The following KLF8 variants were observed in gnomAD, a reference collection of about 807,000 sequenced individuals.
The protein encoded by KLF8 is KLF transcription factor 8.
Under a neutral mutation model 18.2 loss-of-function variants are expected in KLF8, and 10 were observed. That is an observed-to-expected ratio of 0.55 (90% CI 0.34 to 0.93). The LOEUF (loss-of-function observed/expected upper bound fraction) is 0.93. Among genes scored for constraint, KLF8 ranks in the 40% least tolerant of loss-of-function variants. The pLI is 0.02. For missense variants in KLF8, 264 were observed against 277.9 expected (o/e 0.95, Z 0.36); for synonymous variants, 109 against 97.3 (o/e 1.12, Z -0.71).
At chrX:56,073,208 T>C in the KLF8 span, among the ~76,000 whole-genome samples, 3 of 111,050 alleles carry the variant, frequency 2.7e-5, no homozygotes, top group Admixed American at 2.9e-4. Context: ...AGGATGGTCT[T>C]GATCTCCTGA....
the KLF8 span, among the ~76,000 whole-genome samples, chrX:56,145,010 C>T: frequency 9.1e-6 from 1 of 109,380 alleles, no homozygotes; most frequent in Non-Finnish European, 1.9e-5. Flanking sequence ...CCAGGCTGGT[C>T]TTGAACTCCT....
chrX:56,145,282 A>T, the KLF8 span, among the ~76,000 whole-genome samples: 1 of 112,034 alleles, frequency 8.9e-6, no homozygotes, highest in Non-Finnish European at 1.9e-5. Context: ...ACTACTTCAC[A>T]CCAACTAGAT....
the KLF8 span, among the ~76,000 whole-genome samples, chrX:56,082,252 A>G: frequency 1.8e-5 from 2 of 111,765 alleles, no homozygotes; most frequent in South Asian, 7.3e-4. Flanking sequence ...AATTGTTTGT[A>G]TTATCCACTT....
At chrX:56,176,491 TC>T in the KLF8 span, among the ~76,000 whole-genome samples, 1 of 112,019 alleles carries the variant, frequency 8.9e-6, no homozygotes, top group African/African-American at 3.2e-5. Context: ...CTGATGGGCT[TC>T]CCTTTGTGGG....
the KLF8 span, among the ~76,000 whole-genome samples, chrX:55,938,229 TAAAGA>T: frequency 2.7e-5 from 3 of 111,776 alleles, no homozygotes; most frequent in East Asian, 5.6e-4. Flanking sequence ...TCAACATTCT[TAAAGA>T]AAAGAATTTT....
chrX:56,188,794 T>A, the KLF8 span, among the ~76,000 whole-genome samples: 1 of 112,288 alleles, frequency 8.9e-6, no homozygotes, highest in Non-Finnish European at 1.9e-5. Flanking sequence ...TAACAAATGG[T>A]GCTGGGAAAA....
the KLF8 span, among the ~76,000 whole-genome samples, chrX:56,191,693 C>G: frequency 9.0e-6 from 1 of 111,244 alleles, no homozygotes. Context: ...AAATGAATGG[C>G]AAAAATTATT....
the KLF8 span, among the ~76,000 whole-genome samples, chrX:55,995,905 T>C: frequency 9.0e-6 from 1 of 111,507 alleles, no homozygotes; most frequent in East Asian, 2.8e-4. Context: ...TTTCCTGAAT[T>C]TGAATGTCTC....
the KLF8 span, among the ~76,000 whole-genome samples, chrX:56,032,653 T>C: frequency 0.035 from 3,905 of 112,427 alleles, 193 homozygotes; most frequent in African/African-American, 0.12. Context: ...TTGTTGTGCA[T>C]GTCAGTAATT....
chrX:56,153,673 A>G, the KLF8 span, among the ~76,000 whole-genome samples: 1 of 111,273 alleles, frequency 9.0e-6, no homozygotes, highest in Non-Finnish European at 1.9e-5. Flanking sequence ...TTGTATATCT[A>G]GAAAACCCCA....
chrX:56,063,624 C>T, the KLF8 span, among the ~76,000 whole-genome samples: 1 of 111,674 alleles, frequency 9.0e-6, no homozygotes, highest in Non-Finnish European at 1.9e-5. Context: ...AGTCAGGAGA[C>T]ATGGGCGTCA....
intron 2 of KLF8, among the ~76,000 whole-genome samples, chrX:56,253,953 C>T (rs1367888417): frequency 4.0e-5 from 4 of 99,086 alleles, no homozygotes; most frequent in East Asian, 3.1e-4. Flanking sequence ...TTGGCAGAGA[C>T]GGGGTTTCAC....
the KLF8 span, among the ~76,000 whole-genome samples, chrX:56,193,803 T>G: frequency 3.6e-5 from 4 of 111,526 alleles, no homozygotes. Context: ...TAGAAGGATG[T>G]TTACCATAGG....
the KLF8 span, among the ~76,000 whole-genome samples, chrX:56,201,190 C>G: frequency 4.5e-5 from 5 of 111,586 alleles, no homozygotes; most frequent in South Asian, 3.7e-4. Context: ...TCACAATAGC[C>G]AAGACAAGAA....
At chrX:56,128,790 A>G in the KLF8 span, among the ~76,000 whole-genome samples, 1 of 112,134 alleles carries the variant, frequency 8.9e-6, no homozygotes, top group Non-Finnish European at 1.9e-5. Context: ...TTAGATCATA[A>G]GAACAAAGCA....
At chrX:56,034,396 A>G in the KLF8 span, among the ~76,000 whole-genome samples, 3 of 112,157 alleles carry the variant, frequency 2.7e-5, no homozygotes, top group African/African-American at 9.7e-5. Context: ...TGCCAGTACC[A>G]TGCTGTTTTA....
the KLF8 span, among the ~76,000 whole-genome samples, chrX:56,102,125 G>T: frequency 9.0e-6 from 1 of 111,465 alleles, no homozygotes; most frequent in Non-Finnish European, 1.9e-5. Context: ...TTTAATTTTT[G>T]TTTATGGTGA....
the KLF8 span, among the ~76,000 whole-genome samples, chrX:56,218,624 T>C: frequency 8.9e-6 from 1 of 112,437 alleles, no homozygotes; most frequent in Non-Finnish European, 1.9e-5. Flanking sequence ...ACATGTTTAC[T>C]GATACATACA....
intron 2 of KLF8, among the ~76,000 whole-genome samples, chrX:56,259,911 G>A (rs768701776): frequency 1.8e-5 from 2 of 111,632 alleles, no homozygotes; most frequent in East Asian, 5.6e-4. Context: ...CCACAAACTA[G>A]GTGGGTTAAA....
Sources: gnomAD v4.1 joint callset for allele counts (sites outside exome capture counted in the v4.1 genomes callset) on GRCh38, gnomAD v4.1.1 for gene constraint, MANE v1.5 for transcripts, NCBI Gene and HGNC (gene_info 2026-07-23, HGNC 2026-07-21) for gene names.